Variants in SLC17A6 observed in about 807,000 individuals in gnomAD.
SLC17A6 encodes the protein vesicular glutamate transporter 2.
SLC17A6 carries 35 observed loss-of-function variants against 67.1 expected under a neutral mutation model. That is an observed-to-expected ratio of 0.52 (90% CI 0.40 to 0.69). The LOEUF (loss-of-function observed/expected upper bound fraction) is 0.69. Among genes scored for constraint, SLC17A6 ranks in the 30% least tolerant of loss-of-function variants. The probability of loss-of-function intolerance (pLI) is 0.00; values close to 1 mark genes in which losing one functional copy is unlikely to be tolerated. For synonymous variants in SLC17A6, 285 were observed against 252.3 expected, an observed-to-expected ratio of 1.13 and a Z score of -1.23; for missense variants, 588 against 723.9, an observed-to-expected ratio of 0.81 and a Z score of 2.15.
intron 3 of SLC17A6, among the ~76,000 whole-genome samples, chr11:22,350,293 A>G (rs1383061782): frequency 6.6e-6 from 1 of 152,190 alleles, no homozygotes; most frequent in Non-Finnish European, 1.5e-5. Flanking sequence ...CCTGCCATTT[A>G]AGAACATCAA....
intron 7 of SLC17A6, among the ~76,000 whole-genome samples, chr11:22,366,791 G>C (rs190199795): frequency 8.6e-5 from 13 of 152,026 alleles, no homozygotes; most frequent in Non-Finnish European, 1.3e-4. Context: ...GATTGCCTGA[G>C]GTCAGGAGTT....
chr11:22,373,386 T>C (rs139414969), intron 8 of SLC17A6, among the ~76,000 whole-genome samples: 2 of 152,306 alleles, frequency 1.3e-5, no homozygotes, highest in African/African-American at 4.8e-5. Context: ...CATTGACTGC[T>C]TGAAATATAT....
At chr11:22,362,039 A>C (rs779472674) in intron 5 of SLC17A6, among the ~76,000 whole-genome samples, 1 of 149,958 alleles carries the variant, frequency 6.7e-6, no homozygotes, top group Non-Finnish European at 1.5e-5. Flanking sequence ...TTTTTTTTTT[A>C]CAATTGCCTT....
chr11:22,368,006 C>G (rs1321323570), intron 7 of SLC17A6, among the ~76,000 whole-genome samples: 2 of 152,274 alleles, frequency 1.3e-5, no homozygotes, highest in South Asian at 2.1e-4. Flanking sequence ...ATATCATATA[C>G]TCATCACATA....
intron 1 of SLC17A6, among the ~76,000 whole-genome samples, chr11:22,341,312 A>G (rs1338828195): frequency 6.6e-6 from 1 of 152,150 alleles, no homozygotes; most frequent in Non-Finnish European, 1.5e-5. Context: ...TTAAAGTTGA[A>G]GAGACGCCGC....
At chr11:22,368,640 G>A (rs867535285) in intron 7 of SLC17A6, among the ~76,000 whole-genome samples, 37 of 151,986 alleles carry the variant, frequency 2.4e-4, no homozygotes, top group African/African-American at 8.4e-4. Flanking sequence ...ACAGGGAAAA[G>A]TTCTTTTACT....
chr11:22,376,142 G>T lies in SLC17A6; in HGVS notation c.1285+50G>T, dbSNP rs1164032721. On this transcript the variant is annotated intron_variant, in intron 10 of 11. Coordinates refer to ENST00000263160, the MANE Select transcript of SLC17A6 (RefSeq NM_020346.3). ...TACTTGGGACATTCTGATTTTGACT[G>T]CTGATAAAAGACACATACATATACC... 7 of 1,273,510 alleles carry T rather than the reference G, an allele frequency of 5.5e-6. No individual in the cohort carries two copies. The South Asian group carries it at 6.5e-5, about 12-fold the overall frequency. 78.9% of individuals were successfully genotyped at this position (1,273,510 alleles called of 1,614,324 possible).
Position 22,341,528 on chromosome 11 carries a change from G to T in SLC17A6, c.87G>T (p.Arg29Ser), listed in dbSNP as rs751107713. The change falls in exon 2 of 12, where the codon AGG (arginine) becomes AGT (serine). Residue 29 changes from arginine (R) to serine (S), a missense_variant and splice_region_variant. This residue lies in a region of SLC17A6 where 117 missense variants were observed against 98.7 expected (regional missense o/e 1.19). Coordinates refer to ENST00000263160, the MANE Select transcript of SLC17A6 (RefSeq NM_020346.3). ...GACTCGCCCCTGCTCTGCCGCGCAGGGTGCTGGAGAAGAAGCAAGACACCG... is the reference window on the plus strand; with the variant it reads ...GACTCGCCCCTGCTCTGCCGCGCAGTGTGCTGGAGAAGAAGCAAGACACCG... ...FAGKSLGQIY[R>S]VLEKKQDTGE... 7.4e-6 allele frequency: 12 copies of T among 1,612,800 alleles called. No individual in the cohort carries two copies. In the South Asian group the frequency reaches 1.3e-4, roughly 18 times the overall value.
rs1463169927 is a variant in SLC17A6, at chr11:22,376,609, T to C, written c.1350T>C (p.Asn450=). 2 of 1,614,024 alleles carry C rather than the reference T, an allele frequency of 1.2e-6. No individual in the cohort carries two copies. The highest frequency in any genetic ancestry group is 1.7e-6 in the Non-Finnish European group (2 of 1,179,928). Reference sequence around the variant, plus strand: ...CCAGTATCTTAATGGGCATTTCGAATGGTGTTGGCACATTGTCAGGAATGG... The same window carrying C: ...CCAGTATCTTAATGGGCATTTCGAACGGTGTTGGCACATTGTCAGGAATGG... ...RYASILMGIS[N]GVGTLSGMVC... The change falls in exon 11 of 12, where the codon AAT becomes AAC. Residue 450 remains asparagine (N), a synonymous_variant. Coordinates refer to ENST00000263160, the MANE Select transcript of SLC17A6 (RefSeq NM_020346.3).
intron 8 of SLC17A6, among the ~76,000 whole-genome samples, chr11:22,372,393 T>C (rs527758755): frequency 2.6e-4 from 38 of 148,512 alleles, no homozygotes; most frequent in Non-Finnish European, 3.9e-4. Context: ...CACATACACA[T>C]ATATATATAT....
intron 1 of SLC17A6, among the ~76,000 whole-genome samples, chr11:22,340,942 GGGT>G (rs1455296155): frequency 6.6e-6 from 1 of 152,170 alleles, no homozygotes; most frequent in Non-Finnish European, 1.5e-5. Context: ...TCAGCTCAGG[GGGT>G]GGATTGGGGA....
intron 5 of SLC17A6, 99 bp from the exon 6 acceptor site, chr11:22,362,640 T>C: frequency 2.1e-6 from 2 of 935,000 alleles, no homozygotes; most frequent in Non-Finnish European, 3.4e-6. Flanking sequence ...TGTACCTGAG[T>C]GTTCCAGCGT....
chr11:22,362,851 G>A (rs779169202), intron 6 of SLC17A6, 26 bp downstream of exon 6: 30 of 1,566,786 alleles, frequency 1.9e-5, no homozygotes, highest in South Asian at 1.1e-5. Flanking sequence ...ATGCAATAGA[G>A]TTAAAGGAAA....
At chr11:22,353,806 T>C (rs1434140768) in intron 3 of SLC17A6, among the ~76,000 whole-genome samples, 1 of 152,232 alleles carries the variant, frequency 6.6e-6, no homozygotes. Context: ...TTGTCTAGCT[T>C]TGTTTTTTCT....
rs763299147 is a variant in SLC17A6, at chr11:22,370,138, A to AT, written c.993dup (p.Ser332Ter). On this transcript the variant is annotated frameshift_variant, in exon 8 of 12. Coordinates refer to ENST00000263160, the MANE Select transcript of SLC17A6 (RefSeq NM_020346.3). LOFTEE classifies it high-confidence loss of function. ...AAGCTGGACTTTTTATTTATTGCTT[A>AT]TTAGTCAGCCAGCATATTTTGAGGA... is the stretch of plus-strand genomic sequence containing the variant. 1 of 1,611,974 alleles carries AT rather than the reference A, an allele frequency of 6.2e-7. No homozygotes were observed. The highest frequency in any genetic ancestry group is 1.3e-5 in the African/African-American group (1 of 74,834).
chr11:22,377,245 T>C (rs1590397160), intron 11 of SLC17A6, among the ~76,000 whole-genome samples, 160 bp from the exon 12 acceptor site: 1 of 152,356 alleles, frequency 6.6e-6, no homozygotes, highest in East Asian at 1.9e-4. Flanking sequence ...GTAATAGTAT[T>C]ACAGAAGTGT....
At position 22,370,042 on chromosome 11, in the gene SLC17A6, T is replaced by A. The variant is rs756985478; in HGVS notation, c.895T>A (p.Phe299Ile). ...SANLLGAMEKFKTPWRKFFTS... is the reference protein window; with the variant it reads ...SANLLGAMEKIKTPWRKFFTS... ...GTCTCTCTTTTTGGAATTTCAGAAA[T>A]TCAAGACTCCATGGAGGAAGTTTTT... Residue 299 changes from phenylalanine to isoleucine, a missense_variant, in exon 8 of 12, where the codon TTC becomes ATC. Around this residue, in one of 4 missense-constraint regions of SLC17A6, gnomAD observed 414 missense variants for 563.4 expected, o/e 0.73. Coordinates refer to ENST00000263160, the MANE Select transcript of SLC17A6 (RefSeq NM_020346.3). The A allele has an allele frequency of 6.2e-7, 1 of 1,605,440 alleles. No homozygotes were observed. The highest frequency in any genetic ancestry group is 1.3e-5 in the African/African-American group (1 of 74,498).
rs1856067256 is a variant in SLC17A6 at position 22,362,765 on chromosome 11, A to G, written c.688A>G (p.Met230Val). 1 of 1,613,706 alleles carries G rather than the reference A, an allele frequency of 6.2e-7. No homozygotes were observed. Among genetic ancestry groups the G allele is most frequent in the South Asian group, 1.1e-5 (1 of 91,080 alleles). Reference protein sequence around the residue: ...CGSYAGAVIAMPLAGILVQYT... With the variant: ...CGSYAGAVIAVPLAGILVQYT... ...TTCCTATGCCGGAGCTGTGATTGCA[A>G]TGCCTTTAGCTGGCATTCTTGTGCA... The change falls in exon 6 of 12, where the codon ATG becomes GTG. Residue 230 changes from methionine to valine, a missense_variant. By Grantham distance (21) the Met-to-Val change is conservative. Around this residue, in one of 4 missense-constraint regions of SLC17A6, gnomAD observed 414 missense variants for 563.4 expected, o/e 0.73. Transcript: ENST00000263160.
intron 3 of SLC17A6, among the ~76,000 whole-genome samples, chr11:22,355,746 TAC>T (rs996316954): frequency 1.4e-4 from 21 of 152,224 alleles, no homozygotes; most frequent in African/African-American, 4.8e-4. Context: ...TAGTTTCTGG[TAC>T]AGAAGGTAAC....
Sources: allele counts gnomAD v4.1 joint callset (sites outside exome capture counted in the v4.1 genomes callset), GRCh38; gene constraint gnomAD v4.1.1; regional missense constraint gnomAD v4.1.1; transcripts MANE v1.5; gene names NCBI Gene and HGNC (gene_info 2026-07-23, HGNC 2026-07-21).